The following STPG2 variants were observed in gnomAD, a reference collection of about 807,000 sequenced individuals.
STPG2 encodes sperm tail PG-rich repeat containing 2.
STPG2 carries 56 observed loss-of-function variants against 54.2 expected under a neutral mutation model. The observed-to-expected ratio is 1.03, with a 90% CI of 0.83 to 1.29. The LOEUF is 1.29. Among genes scored for constraint, STPG2 ranks in the 50% most tolerant of loss-of-function variants. The probability of loss-of-function intolerance (pLI) is 0.00; values close to 1 mark genes in which losing one functional copy is unlikely to be tolerated. For synonymous variants in STPG2, 200 were observed against 181.8 expected (o/e 1.10, Z -0.81); for missense variants, 596 against 544.9 (o/e 1.09, Z -0.93).
chr4:97,522,250 A>G (rs1410352297), intron 4 of STPG2, among the ~76,000 whole-genome samples: 2 of 152,046 alleles, frequency 1.3e-5, no homozygotes, highest in African/African-American at 4.8e-5. Flanking sequence ...AAAGAATGTC[A>G]GCATTAAAAC....
rs941052783 is a variant in STPG2, at chr4:98,109,291, T to C, written c.402A>G (p.Ala134=). 2 of 1,601,206 alleles carry C rather than the reference T, an allele frequency of 1.2e-6. No homozygotes were observed. The highest frequency in any genetic ancestry group is 1.1e-5 in the South Asian group (1 of 88,362). The stretch of plus-strand genomic sequence containing the variant: ...AATGTATACCTTTGTATTTCAAAGT[T>C]GCATTGGAAACATCCTAAAAAATAA... The part of the protein sequence containing the change: ...YYKPQFDVSN[A]TLKYKGIHFG... Residue 134 remains alanine, a synonymous_variant, in exon 4 of 11, where the codon GCA becomes GCG. Coordinates refer to ENST00000295268, the MANE Select transcript of STPG2 (RefSeq NM_174952.3).
chr4:97,593,132 A>T (rs888202825), intron 10 of STPG2, among the ~76,000 whole-genome samples: 2 of 152,086 alleles, frequency 1.3e-5, no homozygotes, highest in African/African-American at 4.8e-5. Flanking sequence ...TCAGATGCCC[A>T]ACTAGGGTGC....
At chr4:98,006,834 G>A (rs978235768) in intron 5 of STPG2, among the ~76,000 whole-genome samples, 8 of 152,144 alleles carry the variant, frequency 5.3e-5, no homozygotes, top group East Asian at 1.9e-4. Flanking sequence ...AATCAGTTCC[G>A]AAGTGTGAGA....
intron 5 of STPG2, among the ~76,000 whole-genome samples, chr4:98,043,289 C>T (rs1405965218): frequency 1.3e-5 from 2 of 151,990 alleles, no homozygotes; most frequent in African/African-American, 2.4e-5. Flanking sequence ...GTCATCACTC[C>T]ATTATCTTTT....
At chr4:97,703,300 A>C (rs998737065) in intron 10 of STPG2, among the ~76,000 whole-genome samples, 1 of 150,798 alleles carries the variant, frequency 6.6e-6, no homozygotes, top group Non-Finnish European at 1.5e-5. Context: ...CAGCAAAAGA[A>C]CTCGATCCTT....
intron 4 of STPG2, among the ~76,000 whole-genome samples, chr4:97,449,812 T>C (rs1729318906): frequency 1.3e-5 from 2 of 152,212 alleles, no homozygotes; most frequent in Non-Finnish European, 2.9e-5. Context: ...GTCAGCTTCA[T>C]GTATTTCCAT....
chr4:98,031,324 CT>C (rs1437028590), intron 5 of STPG2, among the ~76,000 whole-genome samples: 1 of 152,114 alleles, frequency 6.6e-6, no homozygotes, highest in African/African-American at 2.4e-5. Context: ...AGGAACCCTT[CT>C]AGATATTGGC....
At chr4:98,011,259 C>G (rs1735739297) in intron 5 of STPG2, among the ~76,000 whole-genome samples, 1 of 152,096 alleles carries the variant, frequency 6.6e-6, no homozygotes, top group African/African-American at 2.4e-5. Flanking sequence ...TGGCTACCAG[C>G]TTCATCCAAG....
At chr4:97,631,299 T>C (rs1214613189) in intron 10 of STPG2, among the ~76,000 whole-genome samples, 1 of 152,022 alleles carries the variant, frequency 6.6e-6, no homozygotes, top group Admixed American at 6.6e-5. Flanking sequence ...CATAACTTGT[T>C]TAAATTTCCA....
intron 9 of STPG2, among the ~76,000 whole-genome samples, chr4:97,789,483 T>C (rs1726926638): frequency 6.6e-6 from 1 of 151,942 alleles, no homozygotes. Context: ...TGGTTTCCAT[T>C]AACTAGGGAA....
At chr4:97,730,654 C>T (rs1401441483) in intron 9 of STPG2, among the ~76,000 whole-genome samples, 2 of 152,152 alleles carry the variant, frequency 1.3e-5, no homozygotes, top group Non-Finnish European at 2.9e-5. Flanking sequence ...CTCAGAAATG[C>T]CAATGAGTCA....
At chr4:97,628,002 T>A (rs983628045) in intron 10 of STPG2, among the ~76,000 whole-genome samples, 1 of 152,220 alleles carries the variant, frequency 6.6e-6, no homozygotes, top group East Asian at 1.9e-4. Context: ...CCCGCCCACA[T>A]TGGGGAGGGC....
chr4:97,448,048 TG>T (rs1729270424), intron 4 of STPG2, among the ~76,000 whole-genome samples: 2 of 152,232 alleles, frequency 1.3e-5, no homozygotes, highest in African/African-American at 2.4e-5. Flanking sequence ...GAGATTATTT[TG>T]GAACTTTAGG....
chr4:98,132,948 T>TAAAAAAA (rs200375140), intron 2 of STPG2, among the ~76,000 whole-genome samples: 1 of 101,582 alleles, frequency 9.8e-6, no homozygotes, highest in African/African-American at 3.5e-5. Flanking sequence ...TGAAATGAAC[T>TAAAAAAA]AAAAAAAAAA....
At chr4:97,551,069 GGCTCT>G (rs1731956073) in intron 4 of STPG2, among the ~76,000 whole-genome samples, 1 of 151,560 alleles carries the variant, frequency 6.6e-6, no homozygotes, top group South Asian at 2.1e-4. Context: ...TCCCTTATTT[GGCTCT>G]GCCCACATCC....
At chr4:97,732,741 GA>G (rs146533490) in intron 9 of STPG2, among the ~76,000 whole-genome samples, 21,006 of 147,108 alleles carry the variant, frequency 0.14, 1,899 homozygotes, top group Non-Finnish European at 0.2. Flanking sequence ...AAATCAGCAA[GA>G]AAAAAAAAAT....
At chr4:97,518,244 T>C (rs1216539479) in intron 4 of STPG2, among the ~76,000 whole-genome samples, 3 of 152,062 alleles carry the variant, frequency 2.0e-5, no homozygotes, top group Non-Finnish European at 4.4e-5. Flanking sequence ...AGTATGTAAA[T>C]ACTCAAGTAT....
intron 4 of STPG2, among the ~76,000 whole-genome samples, chr4:97,516,499 T>G (rs1199626993): frequency 1.3e-5 from 2 of 152,212 alleles, no homozygotes; most frequent in African/African-American, 4.8e-5. Flanking sequence ...CTTTGTGCCC[T>G]TCTTGCGACA....
At chr4:97,799,037 T>A (rs1370938814) in intron 9 of STPG2, among the ~76,000 whole-genome samples, 10 of 117,642 alleles carry the variant, frequency 8.5e-5, no homozygotes, top group Non-Finnish European at 3.4e-5. Context: ...ATTTTCTTCA[T>A]AGATCTTCCT....
Sources: gnomAD v4.1 joint callset for allele counts (sites outside exome capture counted in the v4.1 genomes callset) on GRCh38, gnomAD v4.1.1 for gene constraint, MANE v1.5 for transcripts, NCBI Gene and HGNC (gene_info 2026-07-23, HGNC 2026-07-21) for gene names.